Variants in ZNF461 observed in about 807,000 individuals in gnomAD.
The protein encoded by ZNF461 is zinc finger protein 461.
Under a neutral mutation model 18.3 loss-of-function variants are expected in ZNF461, and 16 were observed. The observed-to-expected ratio is 0.88, with a 90% CI of 0.59 to 1.33. The LOEUF (loss-of-function observed/expected upper bound fraction) is 1.33. ZNF461 is among the 40% of genes most tolerant of loss of function. The probability of loss-of-function intolerance (pLI) is 0.00; values close to 1 mark genes in which losing one functional copy is unlikely to be tolerated. For synonymous variants in ZNF461, 179 were observed against 216.9 expected, an observed-to-expected ratio of 0.83 and a Z score of 1.54; for missense variants, 595 against 669.9, an observed-to-expected ratio of 0.89 and a Z score of 1.23.
At chr19:36,655,984 C>A (rs950202265) in intron 4 of ZNF461, among the ~76,000 whole-genome samples, 1 of 151,118 alleles carries the variant, frequency 6.6e-6, no homozygotes. Flanking sequence ...CTATTCTATT[C>A]CTTTAGAATA....
intron 4 of ZNF461, 92 bp from the exon 5 acceptor site, chr19:36,643,954 C>A: frequency 9.2e-7 from 1 of 1,089,844 alleles, no homozygotes; most frequent in South Asian, 2.3e-5. Flanking sequence ...TCTTTTTAGA[C>A]AGAGTTTCGC....
intron 2 of ZNF461, among the ~76,000 whole-genome samples, chr19:36,663,975 T>C (rs1377929335): frequency 6.6e-6 from 1 of 152,158 alleles, no homozygotes; most frequent in Non-Finnish European, 1.5e-5. Context: ...GATATTTTTT[T>C]CCCCACTGAT....
At chr19:36,659,707 T>C (rs1600444203) in intron 2 of ZNF461, among the ~76,000 whole-genome samples, 1 of 152,226 alleles carries the variant, frequency 6.6e-6, no homozygotes, top group East Asian at 1.9e-4. Context: ...TTAACTGTTA[T>C]CATCCACCAC....
At chr19:36,641,657 A>T (rs2145366652) in intron 5 of ZNF461, among the ~76,000 whole-genome samples, 1 of 151,846 alleles carries the variant, frequency 6.6e-6, no homozygotes, top group East Asian at 1.9e-4. Context: ...TCAGTTGCTG[A>T]ATGAATGAAT....
chr19:36,664,593 CAAAAA>C, intron 2 of ZNF461, 100 bp downstream of exon 2: 1 of 667,166 alleles, frequency 1.5e-6, no homozygotes, highest in Non-Finnish European at 2.1e-6. Flanking sequence ...GGCTATGTCT[CAAAAA>C]AAAAAAAAGC....
At chr19:36,656,254 G>T (rs931183425) in intron 4 of ZNF461, among the ~76,000 whole-genome samples, 194 bp downstream of exon 4, 1 of 152,102 alleles carries the variant, frequency 6.6e-6, no homozygotes, top group African/African-American at 2.4e-5. Flanking sequence ...CAAAGTGCTG[G>T]GATTACAGGC....
intron 4 of ZNF461, among the ~76,000 whole-genome samples, chr19:36,656,086 C>T (rs1262764727): frequency 6.6e-6 from 1 of 151,316 alleles, no homozygotes; most frequent in Non-Finnish European, 1.5e-5. Context: ...CAAGCTCCGC[C>T]TTCCGGGTTC....
chr19:36,665,634 C>T (rs551289148), intron 1 of ZNF461, among the ~76,000 whole-genome samples: 6 of 143,818 alleles, frequency 4.2e-5, no homozygotes, highest in Non-Finnish European at 7.4e-5. Flanking sequence ...GCTTAAAACC[C>T]GAAGGCGGAG....
chr19:36,650,874 A>AC (rs1347104538), intron 4 of ZNF461, among the ~76,000 whole-genome samples: 8 of 150,262 alleles, frequency 5.3e-5, no homozygotes, highest in East Asian at 1.9e-4. Flanking sequence ...TAAAAAAAAA[A>AC]AAAACCTCCC....
chr19:36,648,209 C>T (rs1374313957), intron 4 of ZNF461, among the ~76,000 whole-genome samples: 3 of 151,760 alleles, frequency 2.0e-5, no homozygotes, highest in Admixed American at 6.6e-5. Context: ...GTGGCACCTC[C>T]CCACGCCCCC....
intron 2 of ZNF461, among the ~76,000 whole-genome samples, chr19:36,662,912 T>G (rs2037842254): frequency 6.6e-6 from 1 of 152,132 alleles, no homozygotes; most frequent in East Asian, 1.9e-4. Flanking sequence ...TGATACAGTA[T>G]GTGATTTAGT....
At chr19:36,647,856 A>T (rs2037555740) in intron 4 of ZNF461, among the ~76,000 whole-genome samples, 1 of 151,944 alleles carries the variant, frequency 6.6e-6, no homozygotes, top group African/African-American at 2.4e-5. Context: ...TATCCTCATG[A>T]TGGTGAGTGA....
Position 36,637,948 on chromosome 19 carries a change from T to G in ZNF461, c.*705A>C, listed in dbSNP as rs563057213. The G allele has an allele frequency of 3.4e-5, 11 of 323,470 alleles. No individual in the cohort carries two copies. Among genetic ancestry groups the G allele is most frequent in the Non-Finnish European group, 6.1e-6 (1 of 163,632 alleles). The allele number at this position is 323,470 out of a possible 1,614,324, so 20.0% of individuals were successfully genotyped here. A position where few individuals can be genotyped will look rare whatever the true frequency, so the allele number is the denominator to read the frequency against. ...GTGTGCTTTTATTAAACAAAAAATT[T>G]AGAAGATTTTAAAAAATAAATGTAA... On this transcript the variant is annotated 3_prime_UTR_variant, in exon 6 of 6. Coordinates refer to ENST00000588268, the MANE Select transcript of ZNF461 (RefSeq NM_153257.5).
chr19:36,651,551 C>T (rs1397742553), intron 4 of ZNF461, among the ~76,000 whole-genome samples: 1 of 151,982 alleles, frequency 6.6e-6, no homozygotes, highest in African/African-American at 2.4e-5. Context: ...AAATTAACTA[C>T]ACTCCAATAT....
Position 36,638,437 on chromosome 19 carries a change from C to A in ZNF461, c.*216G>T. 1 of 371,108 alleles carries A rather than the reference C, an allele frequency of 2.7e-6. No homozygotes were observed. The allele number at this position is 371,108 out of a possible 1,614,324, so 23.0% of individuals were successfully genotyped here. A position where few individuals can be genotyped will look rare whatever the true frequency, so the allele number is the denominator to read the frequency against. ...AACATGTAATTTTAGAAAATTTATT[C>A]TCAATAAAAAAATTTATTCTCAATA... On this transcript the variant is annotated 3_prime_UTR_variant, in exon 6 of 6. Transcript: ENST00000588268.
intron 4 of ZNF461, among the ~76,000 whole-genome samples, chr19:36,652,731 C>T (rs780999148): frequency 5.9e-5 from 9 of 152,158 alleles, no homozygotes; most frequent in South Asian, 2.1e-4. Context: ...CAGGGCAACC[C>T]GCTGGGGTCC....
chr19:36,646,762 C>T (rs956827777), intron 4 of ZNF461, among the ~76,000 whole-genome samples: 2 of 152,048 alleles, frequency 1.3e-5, no homozygotes, highest in African/African-American at 2.4e-5. Flanking sequence ...ATTAAAGAAA[C>T]GTGCAAAAAA....
Position 36,664,799 on chromosome 19 carries a change from G to T in ZNF461, c.-80-13C>A. 9.9e-7 allele frequency: 1 copy of T among 1,012,718 alleles called. No individual in the cohort carries two copies. The highest frequency in any genetic ancestry group is 1.4e-6 in the Non-Finnish European group (1 of 728,218). The allele number at this position is 1,012,718 out of a possible 1,614,324, so 62.7% of individuals were successfully genotyped here. A position where few individuals can be genotyped will look rare whatever the true frequency, so the allele number is the denominator to read the frequency against. On this transcript the variant is annotated splice_polypyrimidine_tract_variant and intron_variant, in intron 1 of 5. Coordinates refer to ENST00000588268, the MANE Select transcript of ZNF461 (RefSeq NM_153257.5). ...AAAGAAGGTGTTGCTGGGAGAGAGG[G>T]GAGTTAAAAAAAAGACAGGAGATTA...
intron 1 of ZNF461, among the ~76,000 whole-genome samples, chr19:36,665,223 GA>G (rs1209293330): frequency 6.6e-6 from 1 of 152,140 alleles, no homozygotes; most frequent in Non-Finnish European, 1.5e-5. Flanking sequence ...TTCAAAAATA[GA>G]GGCTGAAACA....
Sources: allele counts gnomAD v4.1 joint callset (sites outside exome capture counted in the v4.1 genomes callset), GRCh38; gene constraint gnomAD v4.1.1; transcripts MANE v1.5; gene names NCBI Gene and HGNC (gene_info 2026-07-23, HGNC 2026-07-21).